SCPEP1: variants seen among roughly 807,000 people sequenced by gnomAD.
SCPEP1 encodes the protein retinoid-inducible serine carboxypeptidase.
A neutral mutation model predicts 63.8 loss-of-function variants in SCPEP1; 51 were observed. The ratio of observed to expected loss-of-function variants is 0.80; its 90% confidence interval spans 0.64 to 1.01. The LOEUF is 1.01. SCPEP1 is among the 50% of genes least tolerant of loss of function. The pLI, the probability that SCPEP1 is intolerant of heterozygous loss-of-function variation, is 0.00. For synonymous variants in SCPEP1, 204 were observed against 207.8 expected, an observed-to-expected ratio of 0.98 and a Z score of 0.16; for missense variants, 499 against 554.9, an observed-to-expected ratio of 0.90 and a Z score of 1.01.
intron 1 of SCPEP1, among the ~76,000 whole-genome samples, chr17:56,979,974 C>T (rs562491123): frequency 6.6e-6 from 1 of 152,048 alleles, no homozygotes; most frequent in East Asian, 1.9e-4. Context: ...GAACTTATTT[C>T]GTTTATAGTG....
intron 10 of SCPEP1, among the ~76,000 whole-genome samples, chr17:56,999,528 T>C (rs1165073494): frequency 6.6e-6 from 1 of 152,170 alleles, no homozygotes; most frequent in Non-Finnish European, 1.5e-5. Context: ...CGGCTGCTGC[T>C]GGGAGCCTAC....
chr17:56,987,680 C>G lies in SCPEP1; in HGVS notation c.316-15C>G. 6 of 1,606,670 alleles carry G rather than the reference C, an allele frequency of 3.7e-6. No homozygotes were observed. Among genetic ancestry groups the G allele is most frequent in the Non-Finnish European group, 5.1e-6 (6 of 1,176,996 alleles). On this transcript the variant is annotated splice_polypyrimidine_tract_variant and intron_variant, in intron 3 of 12. Coordinates refer to ENST00000262288, the MANE Select transcript of SCPEP1 (RefSeq NM_021626.3). ...TGTCTGATTGCAACATTTCGTTTTCCTCCGTGGTACATAGCTCCAGGCTGC... is the reference window on the plus strand; with the variant it reads ...TGTCTGATTGCAACATTTCGTTTTCGTCCGTGGTACATAGCTCCAGGCTGC...
intron 10 of SCPEP1, among the ~76,000 whole-genome samples, chr17:56,999,256 T>A (rs149487873): frequency 6.6e-6 from 1 of 152,312 alleles, no homozygotes; most frequent in African/African-American, 2.4e-5. Flanking sequence ...CAGCTCTCTC[T>A]TGCTGACCTC....
At chr17:56,981,992 G>C (rs953154663) in intron 2 of SCPEP1, among the ~76,000 whole-genome samples, 3 of 152,184 alleles carry the variant, frequency 2.0e-5, no homozygotes, top group Non-Finnish European at 4.4e-5. Flanking sequence ...TCGTGTGACT[G>C]TTGCGCCTTC....
intron 2 of SCPEP1, among the ~76,000 whole-genome samples, chr17:56,981,833 G>T (rs1911077454): frequency 6.6e-6 from 1 of 152,058 alleles, no homozygotes; most frequent in African/African-American, 2.4e-5. Context: ...AAAGAAAAAA[G>T]AAAAGAAAGT....
chr17:57,004,701 G>A (rs148677153), intron 12 of SCPEP1, among the ~76,000 whole-genome samples: 182 of 152,178 alleles, frequency 1.2e-3, no homozygotes, highest in Middle Eastern at 3.4e-3. Context: ...AGGTACTTTC[G>A]TACAATATTT....
intron 12 of SCPEP1, 96 bp from the exon 13 acceptor site, chr17:57,006,077 G>A: frequency 1.1e-6 from 1 of 912,296 alleles, no homozygotes. Context: ...TCACAGAGCT[G>A]GCTCCCTTTT....
At chr17:56,987,585 G>A (rs191880215) in intron 3 of SCPEP1, 110 bp from the exon 4 acceptor site, 11 of 949,402 alleles carry the variant, frequency 1.2e-5, no homozygotes, top group African/African-American at 8.4e-5. Flanking sequence ...TCATCACCAC[G>A]CTGGTATCCT....
intron 7 of SCPEP1, 189 bp from the exon 8 acceptor site, chr17:56,995,318 C>T: frequency 1.6e-6 from 1 of 611,460 alleles, no homozygotes; most frequent in East Asian, 2.9e-5. Context: ...CGGTGAATAC[C>T]TACTTAGGTT....
At chr17:57,001,892 T>C (rs1271602868) in intron 11 of SCPEP1, 126 bp from the exon 12 acceptor site, 1 of 998,806 alleles carries the variant, frequency 1.0e-6, no homozygotes, top group Non-Finnish European at 1.5e-6. Flanking sequence ...ATTTGCATTT[T>C]AACAAGATCC....
Position 56,997,152 on chromosome 17 carries a change from T to C in SCPEP1, c.880+97T>C. 2 of 712,418 alleles carry C rather than the reference T, an allele frequency of 2.8e-6. 1 individual carries two copies. Among genetic ancestry groups the C allele is most frequent in the South Asian group, 4.7e-5 (2 of 42,662 alleles). The allele number at this position is 712,418 out of a possible 1,614,324, so 44.1% of individuals were successfully genotyped here. On this transcript the variant is annotated intron_variant, in intron 9 of 12. Transcript: ENST00000262288. Reference sequence around the variant, plus strand: ...AAAAAAAAACTTTATTAACATATAATTTGCATACCATAAAATTAACTCACT... The same window carrying C: ...AAAAAAAAACTTTATTAACATATAACTTGCATACCATAAAATTAACTCACT...
intron 1 of SCPEP1, among the ~76,000 whole-genome samples, chr17:56,979,156 C>A (rs1168161773): frequency 1.3e-5 from 2 of 152,136 alleles, no homozygotes; most frequent in African/African-American, 4.8e-5. Flanking sequence ...TCTTAATCTT[C>A]ATTGTTGTTT....
chr17:57,003,794 G>T (rs1413102107), intron 12 of SCPEP1, among the ~76,000 whole-genome samples: 2 of 152,184 alleles, frequency 1.3e-5, no homozygotes, highest in Non-Finnish European at 2.9e-5. Flanking sequence ...TTTTGGTGAG[G>T]TGGCAAGCTC....
chr17:56,985,733 A>G (rs528285008), intron 3 of SCPEP1, among the ~76,000 whole-genome samples: 1 of 152,238 alleles, frequency 6.6e-6, no homozygotes, highest in South Asian at 2.1e-4. Flanking sequence ...CTACTACAGC[A>G]GACACCTGGG....
intron 7 of SCPEP1, 69 bp downstream of exon 7, chr17:56,995,087 GAA>G: frequency 7.3e-7 from 1 of 1,361,898 alleles, no homozygotes; most frequent in East Asian, 2.3e-5. Context: ...GTGACCCCAG[GAA>G]AAGAGATGCT....
intron 2 of SCPEP1, 42 bp downstream of exon 2, chr17:56,981,272 C>A (rs1465146872): frequency 2.5e-6 from 4 of 1,610,784 alleles, no homozygotes; most frequent in African/African-American, 1.3e-5. Flanking sequence ...AAAGCCAAGT[C>A]TCCTCTGTGT....
chr17:56,996,869 C>T, intron 8 of SCPEP1, 93 bp from the exon 9 acceptor site: 1 of 748,440 alleles, frequency 1.3e-6, no homozygotes, highest in South Asian at 2.2e-5. Context: ...TAAACCTGTC[C>T]TTGGATAAGA....
rs750620115 is a variant in SCPEP1, at chr17:56,981,121, T to C, written c.116T>C (p.Val39Ala). The change falls in exon 2 of 13, where the codon GTA becomes GCA. Residue 39 changes from valine to alanine, a missense_variant. Val to Ala is a moderately conservative substitution (Grantham distance 64, BLOSUM62 0). Transcript: ENST00000262288. ...IDWPTEEGKE[V>A]WDYVTVRKDA... The stretch of plus-strand genomic sequence containing the variant: ...TGGCCCACAGAGGAGGGCAAGGAAG[T>C]ATGGGATTATGTGACGGTCCGCAAG... The C allele has an allele frequency of 1.2e-6, 2 of 1,614,116 alleles. No homozygotes were observed. The highest frequency in any genetic ancestry group is 4.5e-5 in the East Asian group (2 of 44,870).
At chr17:56,979,489 T>C (rs1598111420) in intron 1 of SCPEP1, among the ~76,000 whole-genome samples, 1 of 148,210 alleles carries the variant, frequency 6.7e-6, no homozygotes, top group African/African-American at 2.5e-5. Flanking sequence ...TTTCCCAGAG[T>C]GGTTTTGGAG....
Sources: gnomAD v4.1 joint callset for allele counts (sites outside exome capture counted in the v4.1 genomes callset) on GRCh38, gnomAD v4.1.1 for gene constraint, MANE v1.5 for transcripts, NCBI Gene and HGNC (gene_info 2026-07-23, HGNC 2026-07-21) for gene names.